The following LRP6 variants were observed in gnomAD, a reference collection of about 807,000 sequenced individuals.
The protein encoded by LRP6 is LDL receptor related protein 6.
A neutral mutation model predicts 184.1 loss-of-function variants in LRP6; 43 were observed. That is an observed-to-expected ratio of 0.23 (90% CI 0.18 to 0.30). LRP6 has a LOEUF of 0.30. LRP6 is among the 10% of genes least tolerant of loss of function. The probability of loss-of-function intolerance (pLI) is 1.00; values close to 1 mark genes in which losing one functional copy is unlikely to be tolerated. For missense variants in LRP6, 1,571 were observed against 2,005.3 expected (o/e 0.78, Z 4.14); for synonymous variants, 719 against 684.9 (o/e 1.05, Z -0.78).
intron 2 of LRP6, among the ~76,000 whole-genome samples, chr12:12,217,837 A>C (rs1479967206): frequency 6.6e-6 from 1 of 152,268 alleles, no homozygotes; most frequent in Non-Finnish European, 1.5e-5. Flanking sequence ...TCCACATGCA[A>C]AACAATGAAG....
intron 1 of LRP6, among the ~76,000 whole-genome samples, chr12:12,256,152 A>G (rs1865459232): frequency 6.6e-6 from 1 of 152,214 alleles, no homozygotes; most frequent in Non-Finnish European, 1.5e-5. Context: ...CTTACTCTAG[A>G]TATGAATTTA....
At position 12,183,991 on chromosome 12, in the gene LRP6, G is replaced by T; in HGVS notation, c.965C>A (p.Thr322Asn). Residue 322 changes from threonine (T) to asparagine (N), a missense_variant, in exon 5 of 23, where the codon ACC (threonine) becomes AAC (asparagine). Thr to Asn is a moderately conservative substitution (Grantham distance 65). Around this residue, in one of 4 missense-constraint regions of LRP6, gnomAD observed 640 missense variants for 851.9 expected, o/e 0.75. Coordinates refer to ENST00000261349, the MANE Select transcript of LRP6 (RefSeq NM_002336.3). ...TGVKLLENGK[T>N]CKDGATELLL... ...TAATATCTTCTTACCATCTTTGCAG[G>T]TTTTTCCATTCTCCAGGAGTTTGAC... 1.2e-6 allele frequency: 2 copies of T among 1,613,302 alleles called. No individual in the cohort carries two copies. Among genetic ancestry groups the T allele is most frequent in the Middle Eastern group, 1.7e-4 (1 of 6,058 alleles).
intron 2 of LRP6, among the ~76,000 whole-genome samples, chr12:12,213,424 T>C (rs908949578): frequency 6.6e-6 from 1 of 152,146 alleles, no homozygotes; most frequent in African/African-American, 2.4e-5. Context: ...TCTTATTAAT[T>C]TGTATGCACT....
At chr12:12,262,023 A>C (rs1226638245) in intron 1 of LRP6, among the ~76,000 whole-genome samples, 2 of 152,174 alleles carry the variant, frequency 1.3e-5, no homozygotes. Flanking sequence ...TGGGTGGATC[A>C]CCTGAGGTCA....
At chr12:12,153,944 G>A (rs1352571120) in intron 12 of LRP6, among the ~76,000 whole-genome samples, 1 of 152,186 alleles carries the variant, frequency 6.6e-6, no homozygotes, top group East Asian at 1.9e-4. Flanking sequence ...ATGTATGACT[G>A]TACCATTTGT....
intron 3 of LRP6, among the ~76,000 whole-genome samples, chr12:12,200,426 C>G (rs937206267): frequency 2.0e-5 from 3 of 152,106 alleles, no homozygotes; most frequent in African/African-American, 7.2e-5. Context: ...TAGGATCTAC[C>G]CGGGGGCCCT....
At chr12:12,261,691 T>C (rs901097064) in intron 1 of LRP6, among the ~76,000 whole-genome samples, 44 of 152,290 alleles carry the variant, frequency 2.9e-4, no homozygotes, top group African/African-American at 1.1e-3. Flanking sequence ...ACATGAATTC[T>C]AATCTCCAAA....
At position 12,159,713 on chromosome 12, in the gene LRP6, T is replaced by C. The variant is rs1456353934; in HGVS notation, c.2464+67A>G. 7 of 1,436,446 alleles carry C rather than the reference T, an allele frequency of 4.9e-6. No individual in the cohort carries two copies. In the African/African-American group the frequency reaches 8.4e-5, roughly 17 times the overall value. 89.0% of individuals were successfully genotyped at this position (1,436,446 alleles called of 1,614,324 possible). On this transcript the variant is annotated intron_variant, in intron 11 of 22. Transcript: ENST00000261349. ...TGTATTAAAAGTATCTAACCAATGA[T>C]AAATAGCAGCCACTGATATTTGCAT...
Position 12,132,872 on chromosome 12 carries a change from G to C in LRP6, c.3734-815C>G, listed in dbSNP as rs923821736. ...TTGTAAATCCAACTCAAAATGGAAT[G>C]TCATTTTTACTTGAAAGAATGACTG... On this transcript the variant is annotated intron_variant, in intron 17 of 22. Coordinates refer to ENST00000261349, the MANE Select transcript of LRP6 (RefSeq NM_002336.3). Among the ~76,000 whole-genome samples the C allele has an allele frequency of 2.0e-5, 3 of 152,266 alleles. No homozygotes were observed. In the South Asian group the frequency reaches 6.2e-4, roughly 32 times the overall value.
At chr12:12,256,191 T>C (rs565748239) in intron 1 of LRP6, among the ~76,000 whole-genome samples, 39 of 152,320 alleles carry the variant, frequency 2.6e-4, no homozygotes, top group Non-Finnish European at 4.4e-4. Flanking sequence ...AACAGGACGA[T>C]TGACAGGGCT....
intron 22 of LRP6, among the ~76,000 whole-genome samples, chr12:12,121,955 A>G (rs1949612401): frequency 1.3e-5 from 2 of 152,224 alleles, no homozygotes; most frequent in Admixed American, 6.5e-5. Flanking sequence ...CCTCAGGGGC[A>G]TAACTATTCC....
rs1485921971 is a variant in LRP6 at position 12,165,025 on chromosome 12, C to T, written c.1762+54G>A. On this transcript the variant is annotated intron_variant, in intron 8 of 22. Transcript: ENST00000261349. Reference sequence around the variant, plus strand: ...CAATAATTTACACTGCTGACTATCTCCATCTTTTTTCATTCCTGGTTCCCA... The same window carrying T: ...CAATAATTTACACTGCTGACTATCTTCATCTTTTTTCATTCCTGGTTCCCA... 3.7e-6 allele frequency: 5 copies of T among 1,367,924 alleles called. No homozygotes were observed. In the African/African-American group the frequency reaches 5.7e-5, roughly 16 times the overall value. The allele number at this position is 1,367,924 out of a possible 1,614,324, so 84.7% of individuals were successfully genotyped here. A position where few individuals can be genotyped will look rare whatever the true frequency, so the allele number is the denominator to read the frequency against.
At chr12:12,155,727 G>A in intron 12 of LRP6, 2 of 1,060,030 alleles carry the variant, frequency 1.9e-6, no homozygotes, top group Admixed American at 1.7e-5. Context: ...CCAGTGGGAA[G>A]GAGCCTGAGC....
rs762513098 is a variant in LRP6 at position 12,147,412 on chromosome 12, A to G, written c.3351T>C (p.Phe1117=). ...TTCGCCGGAGATCTGAATCAGCCCA[A>G]AAGAGCTTGCCCAGCCTGCTATCAA... ...LALDSRLGKL[F]WADSDLRRIE... is the part of the protein sequence containing the mutation. Residue 1117 remains phenylalanine, a synonymous_variant, in exon 15 of 23, where the codon TTT becomes TTC. Coordinates refer to ENST00000261349, the MANE Select transcript of LRP6 (RefSeq NM_002336.3). 13 of 1,614,052 alleles carry G rather than the reference A, an allele frequency of 8.1e-6. No individual in the cohort carries two copies. The Admixed American group carries it at 1.0e-4, about 12-fold the overall frequency.
At chr12:12,241,671 C>T (rs1267672406) in intron 2 of LRP6, among the ~76,000 whole-genome samples, 1 of 152,096 alleles carries the variant, frequency 6.6e-6, no homozygotes, top group Admixed American at 6.6e-5. Context: ...CCTCCTCTGC[C>T]TCCCACATTA....
At chr12:12,152,009 T>C (rs1950088213) in intron 12 of LRP6, among the ~76,000 whole-genome samples, 1 of 152,066 alleles carries the variant, frequency 6.6e-6, no homozygotes, top group South Asian at 2.1e-4. Context: ...CTTTATGATA[T>C]GGTTTGGCTG....
chr12:12,172,972 A>G (rs1242204549), intron 7 of LRP6, among the ~76,000 whole-genome samples: 1 of 152,206 alleles, frequency 6.6e-6, no homozygotes, highest in African/African-American at 2.4e-5. Flanking sequence ...TTTAAATATG[A>G]AAAGAATTGA....
intron 3 of LRP6, among the ~76,000 whole-genome samples, chr12:12,200,844 G>A (rs1463460951): frequency 6.6e-6 from 1 of 152,170 alleles, no homozygotes; most frequent in Non-Finnish European, 1.5e-5. Context: ...TCATTTATAA[G>A]TGATTCGCAG....
intron 1 of LRP6, among the ~76,000 whole-genome samples, chr12:12,265,673 C>T (rs1323949372): frequency 2.0e-5 from 3 of 152,202 alleles, no homozygotes; most frequent in African/African-American, 7.2e-5. Context: ...ACTTAAATTC[C>T]TCTGCTGGTA....
Sources: allele counts gnomAD v4.1 joint callset (sites outside exome capture counted in the v4.1 genomes callset), GRCh38; gene constraint gnomAD v4.1.1; regional missense constraint gnomAD v4.1.1; transcripts MANE v1.5; gene names NCBI Gene and HGNC (gene_info 2026-07-23, HGNC 2026-07-21).